CDC42BPA: variants seen among roughly 807,000 people sequenced by gnomAD.
CDC42BPA encodes CDC42 binding protein kinase alpha, also known as serine/threonine-protein kinase MRCK alpha.
CDC42BPA carries 80 observed loss-of-function variants against 223.5 expected under a neutral mutation model. The observed-to-expected ratio is 0.36, with a 90% CI of 0.30 to 0.43. The LOEUF (loss-of-function observed/expected upper bound fraction) is 0.43. CDC42BPA is among the 20% of genes least tolerant of loss of function. The pLI, the probability that CDC42BPA is intolerant of heterozygous loss-of-function variation, is 1.00. For missense variants in CDC42BPA, 1,743 were observed against 2,099.9 expected, an observed-to-expected ratio of 0.83 and a Z score of 3.32; for synonymous variants, 694 against 718.6, an observed-to-expected ratio of 0.97 and a Z score of 0.55.
intron 8 of CDC42BPA, among the ~76,000 whole-genome samples, chr1:227,144,574 CAAAAAAAAAAAAAA>C (rs57568297): frequency 1.1e-4 from 7 of 63,476 alleles, no homozygotes; most frequent in Admixed American, 5.0e-4. Flanking sequence ...GACTCTGTCT[CAAAAAAAAAAAAAA>C]AAAAAAAAAA....
intron 17 of CDC42BPA, 40 bp downstream of exon 17, chr1:227,080,853 T>G (rs752829273): frequency 6.2e-7 from 1 of 1,610,454 alleles, no homozygotes; most frequent in South Asian, 1.1e-5. Flanking sequence ...GGCCACATAC[T>G]CACAATCATC....
Position 227,101,238 on chromosome 1 carries a change from T to C in CDC42BPA, c.2003A>G (p.Gln668Arg), listed in dbSNP as rs755520309. Residue 668 changes from glutamine to arginine, a missense_variant and splice_region_variant, in exon 15 of 37, where the codon CAA becomes CGA. By Grantham distance (43) the Gln-to-Arg change is conservative. This residue lies in a region of CDC42BPA where 464 missense variants were observed against 488.0 expected (regional missense o/e 0.95). Coordinates refer to ENST00000366766, the MANE Select transcript of CDC42BPA (RefSeq NM_001394014.1). Reference protein sequence around the residue: ...QLENELEGLKQKQISYSPGVC... With the variant: ...QLENELEGLKRKQISYSPGVC... ...TCCTGGTGAGTAACTAATTTGTTTTTGCTATAGAAATAATAACAAAAGATT... is the reference window on the plus strand; with the variant it reads ...TCCTGGTGAGTAACTAATTTGTTTTCGCTATAGAAATAATAACAAAAGATT... 5.9e-6 allele frequency: 9 copies of C among 1,524,248 alleles called. No homozygotes were observed. The South Asian group carries it at 7.8e-5, about 13-fold the overall frequency. The allele number at this position is 1,524,248 out of a possible 1,614,324, so 94.4% of individuals were successfully genotyped here.
chr1:227,114,174 G>A (rs920712241), intron 12 of CDC42BPA, among the ~76,000 whole-genome samples: 6 of 151,836 alleles, frequency 4.0e-5, no homozygotes, highest in African/African-American at 1.5e-4. Flanking sequence ...ATACCAAAGA[G>A]AAATAAAAGA....
intron 20 of CDC42BPA, among the ~76,000 whole-genome samples, chr1:227,070,861 T>G (rs1397132521): frequency 6.6e-6 from 1 of 151,850 alleles, no homozygotes; most frequent in African/African-American, 2.4e-5. Context: ...CTTTCAAGTT[T>G]AGGTCTATTC....
intron 9 of CDC42BPA, among the ~76,000 whole-genome samples, chr1:227,141,528 C>G (rs924528381): frequency 6.6e-6 from 1 of 152,144 alleles, no homozygotes; most frequent in African/African-American, 2.4e-5. Flanking sequence ...TTGGGTCTAA[C>G]AGTAAGTAGG....
Position 227,026,134 on chromosome 1 carries a change from A to C in CDC42BPA, c.4451T>G (p.Leu1484Arg). The change falls in exon 31 of 37, where the codon CTC becomes CGC. Residue 1484 changes from leucine (L) to arginine (R), a missense_variant. Leu to Arg is a moderately radical substitution (Grantham distance 102). Transcript: ENST00000366766. Reference protein sequence around the residue: ...PSSCCYNAPYLSVYSENAVDI... With the variant: ...PSSCCYNAPYRSVYSENAVDI... ...AACTGCATTTTCACTGTACACCGAG[A>C]GATATGGTGCATTGTAACCTGGGAG... 6.2e-7 allele frequency: 1 copy of C among 1,602,382 alleles called. No homozygotes were observed. The highest frequency in any genetic ancestry group is 8.5e-7 in the Non-Finnish European group (1 of 1,171,992).
rs565788009 is a variant in CDC42BPA at position 227,138,279 on chromosome 1, C to A, written c.1390+1297G>T. Among the ~76,000 whole-genome samples the A allele has an allele frequency of 3.3e-5, 5 of 151,794 alleles. No homozygotes were observed. In the South Asian group the frequency reaches 6.2e-4, roughly 19 times the overall value. On this transcript the variant is annotated intron_variant, in intron 10 of 36. Transcript: ENST00000366766. ...AATATGTAAGTAAAATATGTTACAT[C>A]CTTTATTTTAGAGAAAAAAGCAGAA...
intron 1 of CDC42BPA, among the ~76,000 whole-genome samples, chr1:227,264,089 C>CT (rs758612371): frequency 2.0e-5 from 3 of 152,094 alleles, no homozygotes; most frequent in Non-Finnish European, 4.4e-5. Flanking sequence ...AAGACAGCTG[C>CT]TTTTTATTTG....
intron 5 of CDC42BPA, among the ~76,000 whole-genome samples, chr1:227,180,004 C>G (rs906934705): frequency 6.6e-6 from 1 of 152,008 alleles, no homozygotes; most frequent in South Asian, 2.1e-4. Context: ...GTTAGGAGTT[C>G]AAGACCAGCC....
intron 2 of CDC42BPA, among the ~76,000 whole-genome samples, chr1:227,231,244 T>C (rs1016581349): frequency 6.6e-6 from 1 of 151,000 alleles, no homozygotes; most frequent in Non-Finnish European, 1.5e-5. Flanking sequence ...TGTTGTTTTC[T>C]GTCCTTGCAA....
intron 25 of CDC42BPA, 129 bp from the exon 26 acceptor site, chr1:227,034,923 T>C (rs1367724213): frequency 8.0e-6 from 6 of 749,340 alleles, no homozygotes; most frequent in African/African-American, 5.4e-5. Context: ...CCATTCTGGT[T>C]GGTAAAGTAG....
rs531011137 is a variant in CDC42BPA at position 227,069,972 on chromosome 1, T to C, written c.2828-119A>G. 1.5e-4 allele frequency: 87 copies of C among 598,136 alleles called. No homozygotes were observed. The South Asian group carries it at 2.1e-3, about 14-fold the overall frequency. The allele number at this position is 598,136 out of a possible 1,614,324, so 37.1% of individuals were successfully genotyped here. On this transcript the variant is annotated intron_variant, in intron 20 of 36. Coordinates refer to ENST00000366766, the MANE Select transcript of CDC42BPA (RefSeq NM_001394014.1). ...ACAAACTACTGTATTTCAAAGTTGA[T>C]CACTATAATTAACTCTACATTTAAA...
At chr1:227,128,264 C>T (rs1656271285) in intron 11 of CDC42BPA, among the ~76,000 whole-genome samples, 1 of 152,138 alleles carries the variant, frequency 6.6e-6, no homozygotes, top group Non-Finnish European at 1.5e-5. Flanking sequence ...TGGCTAACCC[C>T]CTTGCCTTCT....
chr1:227,206,944 A>G (rs1461726882), intron 3 of CDC42BPA, among the ~76,000 whole-genome samples: 1 of 151,954 alleles, frequency 6.6e-6, no homozygotes, highest in African/African-American at 2.4e-5. Flanking sequence ...TTTTATTATT[A>G]TTATACTTTA....
chr1:227,118,921 T>C (rs1462633932), intron 12 of CDC42BPA, among the ~76,000 whole-genome samples: 4 of 152,174 alleles, frequency 2.6e-5, no homozygotes, highest in Admixed American at 2.6e-4. Context: ...CAATCTATTC[T>C]TTAATAGCGT....
chr1:227,094,155 T>G (rs1182482107), intron 15 of CDC42BPA, among the ~76,000 whole-genome samples: 1 of 152,210 alleles, frequency 6.6e-6, no homozygotes, highest in Non-Finnish European at 1.5e-5. Flanking sequence ...ATGGGCAGCA[T>G]ACAGAAATGA....
At chr1:227,210,170 C>T (rs969600229) in intron 3 of CDC42BPA, among the ~76,000 whole-genome samples, 1 of 152,028 alleles carries the variant, frequency 6.6e-6, no homozygotes, top group African/African-American at 2.4e-5. Context: ...TGAATAGTGC[C>T]GCAATAAACA....
At chr1:227,169,115 C>G (rs1665662179) in intron 5 of CDC42BPA, among the ~76,000 whole-genome samples, 1 of 151,990 alleles carries the variant, frequency 6.6e-6, no homozygotes, top group Non-Finnish European at 1.5e-5. Flanking sequence ...TCTAGAATTT[C>G]CATTTGATTT....
At chr1:227,088,705 G>A (rs1344260887) in intron 16 of CDC42BPA, among the ~76,000 whole-genome samples, 2 of 152,068 alleles carry the variant, frequency 1.3e-5, no homozygotes, top group African/African-American at 4.8e-5. Flanking sequence ...GAAACCAGAT[G>A]GCTAATTATA....
Sources: allele counts gnomAD v4.1 joint callset (sites outside exome capture counted in the v4.1 genomes callset), GRCh38; gene constraint gnomAD v4.1.1; regional missense constraint gnomAD v4.1.1; transcripts MANE v1.5; gene names NCBI Gene and HGNC (gene_info 2026-07-23, HGNC 2026-07-21).